The following GOLM2 variants were observed in gnomAD, a reference collection of about 807,000 sequenced individuals.
GOLM2 encodes the protein golgi membrane protein 2.
In GOLM2, 26 loss-of-function variants were observed where a neutral mutation model predicts 55.9. That is an observed-to-expected ratio of 0.47 (90% CI 0.34 to 0.65). The LOEUF is 0.65. Among genes scored for constraint, GOLM2 ranks in the 30% least tolerant of loss-of-function variants. The probability of loss-of-function intolerance (pLI) is 0.01; values close to 1 mark genes in which losing one functional copy is unlikely to be tolerated. For missense variants in GOLM2, 486 were observed against 531.8 expected, an observed-to-expected ratio of 0.91 and a Z score of 0.85; for synonymous variants, 165 against 194.6, an observed-to-expected ratio of 0.85 and a Z score of 1.27.
chr15:44,329,254 C>T (rs553608934), intron 3 of GOLM2, among the ~76,000 whole-genome samples: 34 of 152,288 alleles, frequency 2.2e-4, no homozygotes, highest in African/African-American at 7.9e-4. Flanking sequence ...TGGGGATCCT[C>T]TTACAGGCCT....
At chr15:44,362,200 T>G (rs879693226) in intron 6 of GOLM2, among the ~76,000 whole-genome samples, 1 of 150,066 alleles carries the variant, frequency 6.7e-6, no homozygotes, top group Non-Finnish European at 1.5e-5. Flanking sequence ...CCAGGGCAAT[T>G]AGGCAGGAGA....
intron 6 of GOLM2, among the ~76,000 whole-genome samples, chr15:44,373,135 G>A (rs999228032): frequency 6.6e-6 from 1 of 152,168 alleles, no homozygotes; most frequent in East Asian, 1.9e-4. Flanking sequence ...GGTCTATTTT[G>A]TTCACTGCTG....
At chr15:44,341,702 T>C (rs1338647416) in intron 6 of GOLM2, among the ~76,000 whole-genome samples, 2 of 149,106 alleles carry the variant, frequency 1.3e-5, no homozygotes, top group East Asian at 3.9e-4. Context: ...TTTTTTTTTT[T>C]TTTTTTTTTT....
At chr15:44,302,378 C>G (rs1158016771) in intron 1 of GOLM2, among the ~76,000 whole-genome samples, 1 of 152,002 alleles carries the variant, frequency 6.6e-6, no homozygotes, top group Non-Finnish European at 1.5e-5. Context: ...CTCCTGGCCT[C>G]AAGTGATCTG....
intron 6 of GOLM2, among the ~76,000 whole-genome samples, chr15:44,361,715 A>C (rs2079241235): frequency 6.6e-6 from 1 of 152,210 alleles, no homozygotes; most frequent in South Asian, 2.1e-4. Flanking sequence ...CATCATCCTG[A>C]TACCAAAGCC....
Position 44,384,096 on chromosome 15 carries a change from A to T in GOLM2, c.1072+3120A>T, listed in dbSNP as rs555917294. 2.0e-5 allele frequency among the ~76,000 whole-genome samples: 3 copies of T among 152,146 alleles called. No homozygotes were observed. In the East Asian group the frequency reaches 5.8e-4, roughly 29 times the overall value. On this transcript the variant is annotated intron_variant, in intron 8 of 9. Coordinates refer to ENST00000299957, the MANE Select transcript of GOLM2 (RefSeq NM_138423.4). ...GCAAAAGTTTTTTTAATTAAAAATAATTTTTTGTTTTGGTAAGTTACACGT... is the reference window on the plus strand; with the variant it reads ...GCAAAAGTTTTTTTAATTAAAAATATTTTTTTGTTTTGGTAAGTTACACGT...
At chr15:44,369,693 T>TAC (rs3986148) in intron 6 of GOLM2, among the ~76,000 whole-genome samples, 50,450 of 143,272 alleles carry the variant, frequency 0.35, 8,690 homozygotes, top group Admixed American at 0.39. Context: ...TATATATGCA[T>TAC]ACACACACAC....
intron 1 of GOLM2, among the ~76,000 whole-genome samples, chr15:44,312,384 C>A (rs1429477408): frequency 2.0e-5 from 3 of 152,100 alleles, no homozygotes; most frequent in Non-Finnish European, 2.9e-5. Flanking sequence ...CTTTCTCAAG[C>A]TTAGTAGGTG....
intron 3 of GOLM2, among the ~76,000 whole-genome samples, chr15:44,331,007 T>G (rs1464167849): frequency 6.6e-6 from 1 of 152,082 alleles, no homozygotes; most frequent in Non-Finnish European, 1.5e-5. Flanking sequence ...TTTTTTTGTT[T>G]TGTGTTTTGT....
At chr15:44,401,006 G>GT (rs1207071280) in intron 8 of GOLM2, among the ~76,000 whole-genome samples, 5 of 152,136 alleles carry the variant, frequency 3.3e-5, no homozygotes, top group African/African-American at 1.2e-4. Flanking sequence ...GAATTGACCA[G>GT]TACCCCCAGA....
chr15:44,319,395 A>AT (rs1182852907), intron 1 of GOLM2, among the ~76,000 whole-genome samples: 1 of 151,024 alleles, frequency 6.6e-6, no homozygotes, highest in Non-Finnish European at 1.5e-5. Context: ...TTATTTATTT[A>AT]TTTTTTATTA....
intron 9 of GOLM2, among the ~76,000 whole-genome samples, chr15:44,404,591 G>C (rs951318591): frequency 6.0e-5 from 9 of 150,850 alleles, no homozygotes; most frequent in East Asian, 3.9e-4. Context: ...TTTGTGATTT[G>C]TTTGGATTAT....
intron 1 of GOLM2, among the ~76,000 whole-genome samples, chr15:44,292,410 A>G (rs1398654028): frequency 6.6e-6 from 1 of 151,872 alleles, no homozygotes. Context: ...GTTAGCCAAG[A>G]TGGTCTCGAT....
intron 6 of GOLM2, among the ~76,000 whole-genome samples, chr15:44,360,176 T>A (rs2079227428): frequency 6.6e-6 from 1 of 152,064 alleles, no homozygotes; most frequent in Non-Finnish European, 1.5e-5. Flanking sequence ...AACATCATAA[T>A]GACAGGTTCA....
chr15:44,404,624 C>T (rs140046759), intron 9 of GOLM2, among the ~76,000 whole-genome samples: 157 of 151,286 alleles, frequency 1.0e-3, no homozygotes, highest in African/African-American at 3.3e-3. Context: ...TTATTTATAA[C>T]GTTTTAAGGC....
chr15:44,413,279 G>T, intron 9 of GOLM2, 57 bp from the exon 10 acceptor site: 1 of 1,264,416 alleles, frequency 7.9e-7, no homozygotes, highest in Non-Finnish European at 1.1e-6. Flanking sequence ...GACATTAATT[G>T]GATTTCTGCA....
intron 1 of GOLM2, among the ~76,000 whole-genome samples, chr15:44,304,171 G>C (rs977475751): frequency 2.7e-5 from 4 of 149,724 alleles, no homozygotes; most frequent in African/African-American, 9.9e-5. Flanking sequence ...ACCATGCCTG[G>C]CCTATTCAAG....
intron 7 of GOLM2, 78 bp from the exon 8 acceptor site, chr15:44,380,727 TA>T: frequency 9.3e-7 from 1 of 1,069,960 alleles, no homozygotes; most frequent in Non-Finnish European, 1.2e-6. Context: ...CTTAGCTTTC[TA>T]AAGCAGATCT....
At chr15:44,378,023 A>G (rs188777462) in intron 6 of GOLM2, among the ~76,000 whole-genome samples, 3 of 149,204 alleles carry the variant, frequency 2.0e-5, no homozygotes, top group Admixed American at 6.7e-5. Flanking sequence ...ATATATATAT[A>G]TTTTTTAAAT....
Sources: allele counts gnomAD v4.1 joint callset (sites outside exome capture counted in the v4.1 genomes callset), GRCh38; gene constraint gnomAD v4.1.1; transcripts MANE v1.5; gene names NCBI Gene and HGNC (gene_info 2026-07-23, HGNC 2026-07-21).